The following ELSPBP1 variants were observed in gnomAD, a reference collection of about 807,000 sequenced individuals.
The protein encoded by ELSPBP1 is epididymal sperm-binding protein 1.
In ELSPBP1, 38 loss-of-function variants were observed where a neutral mutation model predicts 33.3. The ratio of observed to expected loss-of-function variants is 1.14; its 90% CI spans 0.88 to 1.50. The LOEUF (loss-of-function observed/expected upper bound fraction) is 1.50. Among genes scored for constraint, ELSPBP1 ranks in the 40% most tolerant of loss-of-function variants. The pLI, the probability that ELSPBP1 is intolerant of heterozygous loss-of-function variation, is 0.00. For synonymous variants in ELSPBP1, 85 were observed against 94.1 expected, an observed-to-expected ratio of 0.90 and a Z score of 0.56; for missense variants, 267 against 263.5, an observed-to-expected ratio of 1.01 and a Z score of -0.09.
intron 6 of ELSPBP1, among the ~76,000 whole-genome samples, chr19:48,023,594 AAGGG>A (rs565748865): frequency 3.1e-3 from 366 of 118,360 alleles, no homozygotes; most frequent in African/African-American, 0.01. Flanking sequence ...GGAAGGAAGG[AAGGG>A]AGGGAGGGAG....
intron 4 of ELSPBP1, among the ~76,000 whole-genome samples, chr19:48,016,463 TCCTTC>T (rs1190342241): frequency 0.024 from 466 of 19,040 alleles, 6 homozygotes; most frequent in African/African-American, 0.096. Context: ...TTCTTTTCTT[TCCTTC>T]TTTCTTTCTT....
chr19:48,011,260 GA>G lies in ELSPBP1; in HGVS notation c.70+2524del, dbSNP rs927592017. Reference sequence around the variant, plus strand: ...GATGATGATGACAATGATTGATAATGATGATGACAATGACGATGATGATCAC... The same window carrying G: ...GATGATGATGACAATGATTGATAATGTGATGACAATGACGATGATGATCAC... On this transcript the variant is annotated intron_variant, in intron 2 of 6. Transcript: ENST00000339841. The surrounding 1 kb of genome is among the most constrained non-coding windows in gnomAD (Gnocchi z 4.5). Among the ~76,000 whole-genome samples the G allele has an allele frequency of 6.6e-6, 1 of 151,782 alleles. No homozygotes were observed. The highest frequency in any genetic ancestry group is 2.4e-5 in the African/African-American group (1 of 41,288).
chr19:47,996,795 T>C (rs1966916347), intron 1 of ELSPBP1, among the ~76,000 whole-genome samples: 1 of 152,114 alleles, frequency 6.6e-6, no homozygotes, highest in South Asian at 2.1e-4. Context: ...TGAAAGCCAA[T>C]AAATAACAAA....
At chr19:48,009,464 A>G (rs11666762) in intron 2 of ELSPBP1, among the ~76,000 whole-genome samples, 120,330 of 152,098 alleles carry the variant, frequency 0.79, 47,955 homozygotes, top group East Asian at 0.94. Flanking sequence ...AAAGACTGTA[A>G]GGTAAGCATG....
At chr19:48,023,537 A>AGGG (rs1967235317) in intron 6 of ELSPBP1, among the ~76,000 whole-genome samples, 1 of 121,712 alleles carries the variant, frequency 8.2e-6, no homozygotes, top group African/African-American at 3.0e-5. Flanking sequence ...GGGAGGAAGG[A>AGGG]AAGAAGGAAG....
chr19:48,018,971 T>C (rs987138440), intron 4 of ELSPBP1, among the ~76,000 whole-genome samples: 5 of 152,104 alleles, frequency 3.3e-5, no homozygotes, highest in African/African-American at 1.2e-4. Context: ...CTGGCCAACA[T>C]GGTGAAACCC....
At chr19:48,020,547 C>T (rs922731419) in intron 5 of ELSPBP1, among the ~76,000 whole-genome samples, 12 of 152,140 alleles carry the variant, frequency 7.9e-5, no homozygotes, top group Non-Finnish European at 1.2e-4. Flanking sequence ...TCATGAGTGT[C>T]GATTTCATCA....
intron 1 of ELSPBP1, among the ~76,000 whole-genome samples, chr19:48,007,887 G>C (rs561683228): frequency 2.0e-5 from 3 of 152,284 alleles, no homozygotes; most frequent in Admixed American, 2.0e-4. Flanking sequence ...ATTTATGAAA[G>C]CCAAGTGACA....
intron 1 of ELSPBP1, among the ~76,000 whole-genome samples, chr19:48,001,602 G>C (rs377298116): frequency 6.6e-6 from 1 of 151,866 alleles, no homozygotes; most frequent in East Asian, 1.9e-4. Context: ...TGTCACCCAG[G>C]CTGGATCATA....
At chr19:48,013,016 T>G (rs1967093742) in intron 2 of ELSPBP1, among the ~76,000 whole-genome samples, 1 of 152,114 alleles carries the variant, frequency 6.6e-6, no homozygotes, top group African/African-American at 2.4e-5. Flanking sequence ...AATGGGAGAT[T>G]ATTAAGTATT....
intron 6 of ELSPBP1, among the ~76,000 whole-genome samples, chr19:48,023,012 C>T (rs1260151015): frequency 1.3e-5 from 2 of 151,872 alleles, no homozygotes; most frequent in South Asian, 4.2e-4. Flanking sequence ...CCACTGTACC[C>T]CAGCCTGGGG....
In ELSPBP1 at chr19:48,019,756, C is replaced by T. The variant is rs756927063; in HGVS notation, c.393C>T (p.Phe131=). The change falls in exon 5 of 7, where the codon TTC becomes TTT. Residue 131 remains phenylalanine, a synonymous_variant. Transcript: ENST00000339841. ...GGNSLRKPCI[F]PSIYRNNVVS... Reference sequence around the variant, plus strand: ...ATTCTCTCAGGAAGCCCTGCATCTTCCCCTCCATCTACAGAAATAATGTGG... The same window carrying T: ...ATTCTCTCAGGAAGCCCTGCATCTTTCCCTCCATCTACAGAAATAATGTGG... 5 of 1,614,056 alleles carry T rather than the reference C, an allele frequency of 3.1e-6. No homozygotes were observed. The highest frequency in any genetic ancestry group is 2.2e-5 in the East Asian group (1 of 44,868).
intron 6 of ELSPBP1, among the ~76,000 whole-genome samples, chr19:48,024,198 T>C (rs1967246353): frequency 6.6e-6 from 1 of 152,104 alleles, no homozygotes; most frequent in Non-Finnish European, 1.5e-5. Context: ...CCTCCTTTTC[T>C]TCTAGTCTTT....
intron 1 of ELSPBP1, among the ~76,000 whole-genome samples, chr19:48,001,508 G>A (rs2122292483): frequency 6.6e-6 from 1 of 152,044 alleles, no homozygotes; most frequent in African/African-American, 2.4e-5. Context: ...GGGAATCCCG[G>A]ATCATCTTCC....
chr19:48,017,896 C>CA (rs60130865), intron 4 of ELSPBP1, among the ~76,000 whole-genome samples: 6,629 of 65,626 alleles, frequency 0.1, 291 homozygotes, highest in Non-Finnish European at 0.12. Flanking sequence ...GATCTTGTCT[C>CA]AAAAAAAAAA....
intron 2 of ELSPBP1, 94 bp from the exon 3 acceptor site, chr19:48,014,077 A>G (rs1841879712): frequency 7.0e-7 from 1 of 1,425,562 alleles, no homozygotes; most frequent in South Asian, 1.3e-5. Flanking sequence ...GGGAACACGG[A>G]CATTCATATT....
At position 48,016,440 on chromosome 19, in the gene ELSPBP1, C is replaced by T. The variant is rs1198201888; in HGVS notation, c.355+401C>T. Reference sequence around the variant, plus strand: ...CTTTCCTCCCTCCCTTCCTCCCTCCCTCCCTTTTCTCTTTCTTTTCTTTCC... The same window carrying T: ...CTTTCCTCCCTCCCTTCCTCCCTCCTTCCCTTTTCTCTTTCTTTTCTTTCC... On this transcript the variant is annotated intron_variant, in intron 4 of 6. Transcript: ENST00000339841. Among the ~76,000 whole-genome samples the T allele has an allele frequency of 2.7e-5, 4 of 149,198 alleles. 1 individual carries two copies. Among genetic ancestry groups the T allele is most frequent in the South Asian group, 2.1e-4 (1 of 4,666 alleles).
rs1967185581 is a variant in ELSPBP1 at position 48,020,268 on chromosome 19, G to C, written c.514+391G>C. Among the ~76,000 whole-genome samples, 2 of 152,148 alleles carry C rather than the reference G, an allele frequency of 1.3e-5. 1 individual carries two copies. Among genetic ancestry groups the C allele is most frequent in the South Asian group, 4.1e-4 (2 of 4,824 alleles). The stretch of plus-strand genomic sequence containing the variant: ...GGAGGTTGAGGCTGCAGTGAGCTGT[G>C]ATCACACCTCTGTACTCCAGCCTGG... On this transcript the variant is annotated intron_variant, in intron 5 of 6. Coordinates refer to ENST00000339841, the MANE Select transcript of ELSPBP1 (RefSeq NM_022142.5).
In ELSPBP1 at chr19:48,016,035, G is replaced by T. The variant is rs1276767986; in HGVS notation, c.351G>T (p.Thr117=). The T allele has an allele frequency of 6.2e-7, 1 of 1,613,110 alleles. No homozygotes were observed. Residue 117 remains threonine (T), a synonymous_variant, in exon 4 of 7, where the codon ACG becomes ACT. Transcript: ENST00000339841. ...AACAGCAGTGGAAATTCTGTGAAAC[G>T]AATGGTGAGCCCCTGTAGCAGGGAT... The part of the protein sequence containing the change: ...DEKQQWKFCE[T]NEYGGNSLRK...
Sources: gnomAD v4.1 joint callset for allele counts (sites outside exome capture counted in the v4.1 genomes callset) on GRCh38, gnomAD v4.1.1 for gene constraint, Gnocchi (gnomAD v3.1) non-coding constraint, MANE v1.5 for transcripts, NCBI Gene and HGNC (gene_info 2026-07-23, HGNC 2026-07-21) for gene names.